FERMT1: variants seen among roughly 807,000 people sequenced by gnomAD.
FERMT1 encodes fermitin family homolog 1.
A neutral mutation model predicts 85.3 loss-of-function variants in FERMT1; 60 were observed. The ratio of observed to expected loss-of-function variants is 0.70; its 90% CI spans 0.57 to 0.87. The LOEUF is 0.87. FERMT1 is among the 40% of genes least tolerant of loss of function. The pLI is 0.00. For missense variants in FERMT1, 701 were observed against 818.9 expected, an observed-to-expected ratio of 0.86 and a Z score of 1.76; for synonymous variants, 275 against 301.1, an observed-to-expected ratio of 0.91 and a Z score of 0.90.
intron 6 of FERMT1, among the ~76,000 whole-genome samples, chr20:6,099,195 G>A (rs1333341409): frequency 6.6e-6 from 1 of 152,112 alleles, no homozygotes; most frequent in African/African-American, 2.4e-5. Flanking sequence ...TTGAGGTCAG[G>A]AGTTTGAGAC....
At chr20:6,085,807 C>G (rs1452684950) in intron 11 of FERMT1, among the ~76,000 whole-genome samples, 1 of 150,492 alleles carries the variant, frequency 6.6e-6, no homozygotes, top group Non-Finnish European at 1.5e-5. Flanking sequence ...CAAGATTGCA[C>G]AAACGCACTC....
At chr20:6,107,199 C>CAA (rs59180891) in intron 6 of FERMT1, among the ~76,000 whole-genome samples, 10 of 92,626 alleles carry the variant, frequency 1.1e-4, no homozygotes, top group Admixed American at 2.5e-4. Context: ...CTGTCTCAAC[C>CAA]AAAAAAAAAA....
rs6085400 is a variant in FERMT1 at position 6,093,886 on chromosome 20, G to A, written c.1139+1053C>T. 0.28 allele frequency among the ~76,000 whole-genome samples: 42,984 copies of A among 152,088 alleles called. 6,310 individuals are homozygous for A. Among genetic ancestry groups the A allele is most frequent in the South Asian group, 0.45 (2,176 of 4,808 alleles). On this transcript the variant is annotated intron_variant, in intron 9 of 14. Transcript: ENST00000217289. ...TGGGAGAATTGCTTCAACCCAGGAG[G>A]TGGAGGTTGCAGTGAGCTGAGATCA...
Position 6,077,224 on chromosome 20 carries a change from A to T in FERMT1, c.1983T>A (p.Asn661Lys). The T allele has an allele frequency of 2.5e-6, 4 of 1,614,198 alleles. No homozygotes were observed. The highest frequency in any genetic ancestry group is 3.4e-6 in the Non-Finnish European group (4 of 1,180,036). The change falls in exon 15 of 15, where the codon AAT (asparagine) becomes AAA (lysine). Residue 661 changes from asparagine to lysine, a missense_variant. Coordinates refer to ENST00000217289, the MANE Select transcript of FERMT1 (RefSeq NM_017671.5). ...IFLSTRSKDQ[N>K]ETLDEDLFHK... ...GGAACAAGTCCTCATCGAGTGTTTC[A>T]TTCTGGTCCTTGGAGCGGGTGGACA...
chr20:6,103,991 C>A (rs1400574288), intron 6 of FERMT1, among the ~76,000 whole-genome samples: 1 of 151,978 alleles, frequency 6.6e-6, no homozygotes, highest in Non-Finnish European at 1.5e-5. Context: ...CTGCCTCGTT[C>A]TCCCAAGTAG....
rs372769830 is a variant in FERMT1, at chr20:6,105,398, G to A, written c.849+2134C>T. ...CAACCTCTCCAATTGCATCGACTTC[G>A]AATGGAAATTTAGCATTTCCTCTCA... On this transcript the variant is annotated intron_variant, in intron 6 of 14. Coordinates refer to ENST00000217289, the MANE Select transcript of FERMT1 (RefSeq NM_017671.5). Among the ~76,000 whole-genome samples the A allele has an allele frequency of 3.3e-5, 5 of 152,138 alleles. No homozygotes were observed. The South Asian group carries it at 6.2e-4, about 19-fold the overall frequency.
chr20:6,079,104 C>T (rs553515409), intron 14 of FERMT1, among the ~76,000 whole-genome samples: 45 of 152,280 alleles, frequency 3.0e-4, no homozygotes, highest in Non-Finnish European at 5.1e-4. Context: ...AGTAGTTTCT[C>T]ATAAGTAAGT....
intron 1 of FERMT1, chr20:6,120,254 A>T (rs994811950): frequency 6.6e-5 from 10 of 152,220 alleles, no homozygotes; most frequent in African/African-American, 2.4e-4. Flanking sequence ...ATTAATAATT[A>T]TTGCCATGTA....
chr20:6,090,842 C>T (rs1224746417), intron 9 of FERMT1, among the ~76,000 whole-genome samples: 1 of 151,658 alleles, frequency 6.6e-6, no homozygotes, highest in Non-Finnish European at 1.5e-5. Flanking sequence ...TTAACATTTC[C>T]AGGATTAAGA....
intron 13 of FERMT1, 64 bp from the exon 14 acceptor site, chr20:6,079,641 C>A: frequency 7.0e-7 from 1 of 1,434,602 alleles, no homozygotes. Context: ...TGTTCACTCA[C>A]ATATAACTTC....
At chr20:6,087,722 T>C in intron 11 of FERMT1, 55 bp downstream of exon 11, 1 of 970,192 alleles carries the variant, frequency 1.0e-6, no homozygotes, top group East Asian at 2.4e-5. Flanking sequence ...TTTTGGGTTT[T>C]GCTCTTAGGC....
intron 2 of FERMT1, among the ~76,000 whole-genome samples, chr20:6,118,530 T>C (rs1398440375): frequency 6.6e-6 from 1 of 152,198 alleles, no homozygotes; most frequent in Non-Finnish European, 1.5e-5. Flanking sequence ...TTTTTCTGTA[T>C]GTATATTATA....
intron 9 of FERMT1, among the ~76,000 whole-genome samples, chr20:6,091,768 T>C (rs531430575): frequency 1.8e-4 from 27 of 152,226 alleles, no homozygotes; most frequent in African/African-American, 6.0e-4. Context: ...TGCCTGGAAG[T>C]TTTGTCATCT....
Position 6,077,044 on chromosome 20 carries a change from T to C in FERMT1, c.*129A>G, listed in dbSNP as rs1600420790. The stretch of plus-strand genomic sequence containing the variant: ...CCAGCAGTGGGTTTGAATGAGGATC[T>C]GGGTGACCAGCGGTGAATGTATGTT... On this transcript the variant is annotated 3_prime_UTR_variant, in exon 15 of 15. Coordinates refer to ENST00000217289, the MANE Select transcript of FERMT1 (RefSeq NM_017671.5). 4.2e-6 allele frequency: 4 copies of C among 946,546 alleles called. No individual in the cohort carries two copies. In the South Asian group the frequency reaches 5.4e-5, roughly 13 times the overall value. The allele number at this position is 946,546 out of a possible 1,614,324, so 58.6% of individuals were successfully genotyped here. A position where few individuals can be genotyped will look rare whatever the true frequency, so the allele number is the denominator to read the frequency against.
chr20:6,109,828 G>T (rs565344221), intron 5 of FERMT1, among the ~76,000 whole-genome samples: 1 of 151,946 alleles, frequency 6.6e-6, no homozygotes, highest in South Asian at 2.1e-4. Context: ...TTGAACCCAG[G>T]GGGGCAGAGA....
intron 11 of FERMT1, among the ~76,000 whole-genome samples, chr20:6,086,048 A>G (rs1239606462): frequency 6.6e-6 from 1 of 151,892 alleles, no homozygotes; most frequent in Non-Finnish European, 1.5e-5. Flanking sequence ...AGGCTGAGGC[A>G]GGAGAATCAC....
At chr20:6,101,066 C>T (rs141870000) in intron 6 of FERMT1, among the ~76,000 whole-genome samples, 3 of 152,252 alleles carry the variant, frequency 2.0e-5, no homozygotes, top group East Asian at 1.9e-4. Flanking sequence ...AGAATTCAAA[C>T]GAAAACAAGA....
At position 6,079,582 on chromosome 20, in the gene FERMT1, A is replaced by G; in HGVS notation, c.1719-5T>C. 1 of 1,612,410 alleles carries G rather than the reference A, an allele frequency of 6.2e-7. No individual in the cohort carries two copies. Among genetic ancestry groups the G allele is most frequent in the Middle Eastern group, 1.7e-4 (1 of 6,020 alleles). On this transcript the variant is annotated splice_polypyrimidine_tract_variant and splice_region_variant and intron_variant, in intron 13 of 14. Transcript: ENST00000217289. ...TCTTTTTTGCTTCCTTTAAATCTGA[A>G]AAGAATCATAATATTAGTTAAGAGA...
At chr20:6,110,888 T>C (rs1287405305) in intron 4 of FERMT1, among the ~76,000 whole-genome samples, 2 of 152,216 alleles carry the variant, frequency 1.3e-5, no homozygotes, top group African/African-American at 4.8e-5. Flanking sequence ...AACTCAAATA[T>C]GTAAAAGCCT....
Sources: gnomAD v4.1 joint callset for allele counts (sites outside exome capture counted in the v4.1 genomes callset) on GRCh38, gnomAD v4.1.1 for gene constraint, MANE v1.5 for transcripts, NCBI Gene and HGNC (gene_info 2026-07-23, HGNC 2026-07-21) for gene names.